DPYSL5: variants seen among roughly 807,000 people sequenced by gnomAD.
DPYSL5 encodes dihydropyrimidinase-related protein 5.
DPYSL5 carries 9 observed loss-of-function variants against 58.4 expected under a neutral mutation model. The observed-to-expected ratio is 0.15, with a 90% CI of 0.09 to 0.27. The LOEUF (loss-of-function observed/expected upper bound fraction) is 0.27. DPYSL5 is among the 10% of genes least tolerant of loss of function. The probability of loss-of-function intolerance (pLI) is 1.00; values close to 1 mark genes in which losing one functional copy is unlikely to be tolerated. For missense variants in DPYSL5, 499 were observed against 770.6 expected (o/e 0.65, Z 4.17); for synonymous variants, 293 against 301.9 (o/e 0.97, Z 0.31).
At position 26,942,446 on chromosome 2, in the gene DPYSL5, C is replaced by T; in HGVS notation, c.1233-97C>T. 2.2e-6 allele frequency: 3 copies of T among 1,372,072 alleles called. No individual in the cohort carries two copies. The highest frequency in any genetic ancestry group is 1.4e-5 in the African/African-American group (1 of 69,454). 85.0% of individuals were successfully genotyped at this position (1,372,072 alleles called of 1,614,324 possible). On this transcript the variant is annotated intron_variant, in intron 10 of 12. Transcript: ENST00000288699. The surrounding 1 kb of genome is among the most constrained non-coding windows in gnomAD (Gnocchi z 5.9). ...GAATTTTGAAGGGAGCCAATTCAAC[C>T]CATAACAACCAGCCTTTGGGGCTCA...
At position 26,849,891 on chromosome 2, in the gene DPYSL5, T is replaced by C. The variant is rs548039937; in HGVS notation, c.-5+1637T>C. Among the ~76,000 whole-genome samples the C allele has an allele frequency of 2.7e-4, 41 of 152,272 alleles. No individual in the cohort carries two copies. Among genetic ancestry groups the C allele is most frequent in the Admixed American group, 2.0e-3 (30 of 15,302 alleles). ...CCCCCACTCCGGCTCGGGTGCCTTCTGGTGCAGCGCCGCCGCCCGCCCCGC... is the reference window on the plus strand; with the variant it reads ...CCCCCACTCCGGCTCGGGTGCCTTCCGGTGCAGCGCCGCCGCCCGCCCCGC... On this transcript the variant is annotated intron_variant, in intron 1 of 12. Coordinates refer to ENST00000288699, the MANE Select transcript of DPYSL5 (RefSeq NM_020134.4). This position sits in a 1 kb window ranked among gnomAD's most constrained non-coding sequence, Gnocchi z 6.2.
intron 1 of DPYSL5, among the ~76,000 whole-genome samples, chr2:26,890,785 T>C (rs1224595819): frequency 1.3e-5 from 2 of 152,202 alleles, no homozygotes; most frequent in East Asian, 3.8e-4. Flanking sequence ...GGTCGGGTTG[T>C]GGTGAGCTCT....
At chr2:26,896,241 C>G (rs80303428) in intron 1 of DPYSL5, among the ~76,000 whole-genome samples, 2,735 of 152,192 alleles carry the variant, frequency 0.018, 26 homozygotes, top group Non-Finnish European at 0.029. Flanking sequence ...TATGGCTGAG[C>G]AGTATTCTAT....
chr2:26,918,009 C>T (rs1451695659), intron 2 of DPYSL5, among the ~76,000 whole-genome samples: 1 of 151,994 alleles, frequency 6.6e-6, no homozygotes, highest in Admixed American at 6.5e-5. Flanking sequence ...TGATGGCACA[C>T]GCCTGTAGTT....
At chr2:26,908,511 T>C (rs115309121) in intron 2 of DPYSL5, among the ~76,000 whole-genome samples, 343 of 152,342 alleles carry the variant, frequency 2.3e-3, no homozygotes, top group African/African-American at 7.8e-3. Context: ...GTAGGCCAGG[T>C]TGATCCTTCT....
intron 2 of DPYSL5, among the ~76,000 whole-genome samples, chr2:26,901,039 T>G (rs1381206420): frequency 6.6e-6 from 1 of 152,084 alleles, no homozygotes; most frequent in African/African-American, 2.4e-5. Flanking sequence ...GGTGAGTAAC[T>G]CTTGATCTTT....
At chr2:26,945,757 C>T (rs1047061808) in intron 12 of DPYSL5, among the ~76,000 whole-genome samples, 5 of 152,196 alleles carry the variant, frequency 3.3e-5, no homozygotes, top group South Asian at 2.1e-4. Context: ...CGGCGAGAGG[C>T]GCAAGACCCT....
intron 1 of DPYSL5, among the ~76,000 whole-genome samples, chr2:26,887,562 TC>T (rs1663751224): frequency 1.3e-5 from 2 of 152,350 alleles, no homozygotes; most frequent in South Asian, 4.1e-4. Context: ...TGTGTGCATT[TC>T]ATGATCAAGA....
intron 5 of DPYSL5, among the ~76,000 whole-genome samples, chr2:26,931,026 C>G (rs886488790): frequency 1.3e-5 from 2 of 149,110 alleles, no homozygotes; most frequent in Non-Finnish European, 3.0e-5. Context: ...GTAGTCCCAG[C>G]TGCTCAGGAG....
intron 2 of DPYSL5, among the ~76,000 whole-genome samples, chr2:26,923,722 G>A (rs1036303345): frequency 7.9e-5 from 12 of 152,180 alleles, no homozygotes; most frequent in Middle Eastern, 3.4e-3. Flanking sequence ...GTGCAATGCC[G>A]CATTCTTGGC....
At chr2:26,874,109 AT>A (rs150577980) in intron 1 of DPYSL5, among the ~76,000 whole-genome samples, 1,933 of 151,966 alleles carry the variant, frequency 0.013, 48 homozygotes, top group African/African-American at 0.044. Context: ...TCTTTTGCTC[AT>A]TTTTTTAATT....
In DPYSL5 at chr2:26,855,729, C is replaced by T. The variant is rs577665800; in HGVS notation, c.-5+7475C>T. ...ATTTCAAATCCGCCATGGGCTGACT[C>T]GAAATTCTCACGCCTTGGGTCTTTA... On this transcript the variant is annotated intron_variant, in intron 1 of 12. Transcript: ENST00000288699. Among the ~76,000 whole-genome samples the T allele has an allele frequency of 6.6e-5, 10 of 152,252 alleles. No homozygotes were observed. The East Asian group carries it at 1.5e-3, about 24-fold the overall frequency.
rs1184956440 is a variant in DPYSL5 at position 26,944,719 on chromosome 2, C to G, written c.1504C>G (p.Pro502Ala). 6.2e-7 allele frequency: 1 copy of G among 1,613,986 alleles called. No individual in the cohort carries two copies. Among genetic ancestry groups the G allele is most frequent in the Non-Finnish European group, 8.5e-7 (1 of 1,179,986 alleles). ...GGGGGATGTCGCTGTTGTCGTGCAC[C>G]CTGGGAAAAAAGAGATGGGAACCCC... ...YLGDVAVVVH[P>A]GKKEMGTPLA... Residue 502 changes from proline (P) to alanine (A), a missense_variant, in exon 12 of 13, where the codon CCT becomes GCT. Pro to Ala is a conservative substitution (Grantham distance 27, BLOSUM62 -1). Coordinates refer to ENST00000288699, the MANE Select transcript of DPYSL5 (RefSeq NM_020134.4). The surrounding 1 kb of genome is among the most constrained non-coding windows in gnomAD (Gnocchi z 4.4).
intron 1 of DPYSL5, among the ~76,000 whole-genome samples, chr2:26,853,452 A>T (rs1428247657): frequency 6.6e-6 from 1 of 152,170 alleles, no homozygotes; most frequent in Non-Finnish European, 1.5e-5. Flanking sequence ...GGTTACTGTT[A>T]TTATCCTCAT....
intron 6 of DPYSL5, among the ~76,000 whole-genome samples, chr2:26,932,205 AAGAAAAG>A (rs1665046007): frequency 1.9e-5 from 1 of 53,498 alleles, no homozygotes; most frequent in Non-Finnish European, 4.3e-5. Flanking sequence ...GAAAGAAAGA[AAGAAAAG>A]AAAGAAAGAA....
intron 1 of DPYSL5, among the ~76,000 whole-genome samples, chr2:26,886,018 G>C (rs899175353): frequency 1.3e-5 from 2 of 152,236 alleles, no homozygotes; most frequent in African/African-American, 4.8e-5. Flanking sequence ...GACAGGTTGA[G>C]TGTGTGCTGC....
intron 3 of DPYSL5, among the ~76,000 whole-genome samples, chr2:26,926,535 G>A (rs930444720): frequency 6.6e-6 from 1 of 152,168 alleles, no homozygotes. Context: ...AAATAGAAAA[G>A]AAAGGAAGTA....
chr2:26,909,730 A>G (rs115984366), intron 2 of DPYSL5, among the ~76,000 whole-genome samples: 2,022 of 152,200 alleles, frequency 0.013, 47 homozygotes, highest in African/African-American at 0.046. Context: ...AGCTATGATC[A>G]TGCCACTGCA....
chr2:26,928,704 T>TATATATATATATACACAC, intron 5 of DPYSL5, among the ~76,000 whole-genome samples: 2 of 62,958 alleles, frequency 3.2e-5, no homozygotes, highest in Non-Finnish European at 6.6e-5. Flanking sequence ...TATATATATA[T>TATATATATATATACACAC]ACACACACAC....
Sources: allele counts gnomAD v4.1 joint callset (sites outside exome capture counted in the v4.1 genomes callset), GRCh38; gene constraint gnomAD v4.1.1; non-coding constraint Gnocchi (gnomAD v3.1); transcripts MANE v1.5; gene names NCBI Gene and HGNC (gene_info 2026-07-23, HGNC 2026-07-21).